PDE4D: variants seen among roughly 807,000 people sequenced by gnomAD.
The protein encoded by PDE4D is 3',5'-cyclic-AMP phosphodiesterase 4D.
In PDE4D, 24 loss-of-function variants were observed where a neutral mutation model predicts 87.4. The ratio of observed to expected loss-of-function variants is 0.27; its 90% CI spans 0.20 to 0.39. The LOEUF (loss-of-function observed/expected upper bound fraction) is 0.39. PDE4D is among the 10% of genes least tolerant of loss of function. PDE4D has a pLI of 1.00. For missense variants in PDE4D, 714 were observed against 1,041.0 expected (o/e 0.69, Z 4.32); for synonymous variants, 384 against 383.2 (o/e 1.00, Z -0.02).
At chr5:60,275,131 T>G (rs920058682) in intron 1 of PDE4D, among the ~76,000 whole-genome samples, 1 of 152,180 alleles carries the variant, frequency 6.6e-6, no homozygotes, top group African/African-American at 2.4e-5. Context: ...ATACTGTATT[T>G]TGAGAATTTC....
chr5:60,006,178 A>G (rs1315826054), intron 2 of PDE4D, among the ~76,000 whole-genome samples: 4 of 151,910 alleles, frequency 2.6e-5, no homozygotes, highest in Non-Finnish European at 4.4e-5. Flanking sequence ...TGAAACAAGA[A>G]CTAGTTGTAT....
At chr5:59,342,455 T>C (rs1386706310) in intron 1 of PDE4D, among the ~76,000 whole-genome samples, 1 of 152,156 alleles carries the variant, frequency 6.6e-6, no homozygotes, top group East Asian at 1.9e-4. Context: ...CTTTGAACCA[T>C]AAATTACCAT....
chr5:59,940,845 GACATGAC>G (rs1193593716), intron 3 of PDE4D, among the ~76,000 whole-genome samples: 1 of 152,060 alleles, frequency 6.6e-6, no homozygotes, highest in African/African-American at 2.4e-5. Flanking sequence ...ACATTTAGAG[GACATGAC>G]ACATTGCACA....
chr5:59,387,769 C>T (rs943507597), intron 1 of PDE4D, among the ~76,000 whole-genome samples: 1 of 152,044 alleles, frequency 6.6e-6, no homozygotes. Context: ...ATATACATTA[C>T]CTCACAAACT....
chr5:60,481,470 G>T (rs996813236), intron 1 of PDE4D, among the ~76,000 whole-genome samples: 1 of 152,068 alleles, frequency 6.6e-6, no homozygotes, highest in Non-Finnish European at 1.5e-5. Flanking sequence ...GCTTATGTTA[G>T]ATGCACCATT....
rs1491261978 is a variant in PDE4D at position 59,488,674 on chromosome 5, TTC to T, written c.456-272708_456-272707del. On this transcript the variant is annotated intron_variant, in intron 1 of 14. Transcript: ENST00000340635. ...AAAAATATAACCACTAGAGATAATC[TTC>T]TTTTTTTTTTTTTGAGGGGGGGATC... 5.9e-3 allele frequency among the ~76,000 whole-genome samples: 668 copies of T among 113,708 alleles called. 3 individuals are homozygous for T. The highest frequency in any genetic ancestry group is 0.025 in the African/African-American group (614 of 24,478). 74.6% of individuals were successfully genotyped at this position (113,708 alleles called of 152,430 possible). A position where few individuals can be genotyped will look rare whatever the true frequency, so the allele number is the denominator to read the frequency against.
chr5:60,201,754 G>T (rs1276843971), intron 1 of PDE4D, among the ~76,000 whole-genome samples: 2 of 152,050 alleles, frequency 1.3e-5, no homozygotes, highest in Non-Finnish European at 2.9e-5. Context: ...ATTTCTGAAA[G>T]ACAATATTAA....
intron 1 of PDE4D, among the ~76,000 whole-genome samples, chr5:59,715,919 G>T (rs1754951468): frequency 6.6e-6 from 1 of 152,188 alleles, no homozygotes; most frequent in Admixed American, 6.5e-5. Context: ...CTGTGGGCAT[G>T]TTTCTCCATT....
intron 3 of PDE4D, among the ~76,000 whole-genome samples, chr5:59,901,141 G>C (rs1355739666): frequency 4.6e-5 from 7 of 152,126 alleles, no homozygotes; most frequent in Non-Finnish European, 1.0e-4. Flanking sequence ...ACTTAACTAA[G>C]GTCAGATACT....
At chr5:59,039,541 G>A in intron 5 of PDE4D, 3 of 985,186 alleles carry the variant, frequency 3.0e-6, no homozygotes, top group Non-Finnish European at 3.6e-6. Flanking sequence ...CAACTCCTCG[G>A]GCGGCAGGCG....
chr5:59,103,314 T>C (rs771151771), intron 5 of PDE4D, among the ~76,000 whole-genome samples: 6 of 152,120 alleles, frequency 3.9e-5, no homozygotes, highest in Non-Finnish European at 8.8e-5. Context: ...CTCATTTAAA[T>C]GGAGTATTTA....
At chr5:59,205,260 C>T (rs1486691306) in intron 2 of PDE4D, among the ~76,000 whole-genome samples, 2 of 151,976 alleles carry the variant, frequency 1.3e-5, no homozygotes, top group Non-Finnish European at 1.5e-5. Flanking sequence ...AGATTATGCT[C>T]TTTCTTTTTC....
At chr5:59,065,486 T>C (rs764169364) in intron 5 of PDE4D, among the ~76,000 whole-genome samples, 1 of 152,116 alleles carries the variant, frequency 6.6e-6, no homozygotes, top group Non-Finnish European at 1.5e-5. Flanking sequence ...TTAAGTGTCC[T>C]TACCATGAAA....
At chr5:59,672,102 G>A (rs78804391) in intron 1 of PDE4D, among the ~76,000 whole-genome samples, 3,719 of 152,182 alleles carry the variant, frequency 0.024, 124 homozygotes, top group African/African-American at 0.074. Context: ...CGGCAGGGCT[G>A]GAGCTAAAGT....
At chr5:59,892,386 C>A (rs907532991) in intron 1 of PDE4D, among the ~76,000 whole-genome samples, 1 of 152,160 alleles carries the variant, frequency 6.6e-6, no homozygotes, top group African/African-American at 2.4e-5. Context: ...TAAAACAAGG[C>A]GCTTTCTTCC....
intron 2 of PDE4D, among the ~76,000 whole-genome samples, chr5:60,156,086 T>A (rs1165337110): frequency 6.6e-6 from 1 of 151,888 alleles, no homozygotes; most frequent in African/African-American, 2.4e-5. Context: ...GTCCTCAGAG[T>A]TACTAGGGTA....
At chr5:60,140,211 A>C (rs2149417254) in intron 2 of PDE4D, among the ~76,000 whole-genome samples, 1 of 152,218 alleles carries the variant, frequency 6.6e-6, no homozygotes, top group Non-Finnish European at 1.5e-5. Context: ...TCCATGAACT[A>C]TCGTATATGT....
At position 59,333,062 on chromosome 5, in the gene PDE4D, T is replaced by C. The variant is rs576170214; in HGVS notation, c.456-117094A>G. 1.1e-4 allele frequency among the ~76,000 whole-genome samples: 17 copies of C among 152,336 alleles called. No individual in the cohort carries two copies. In the South Asian group the frequency reaches 2.5e-3, roughly 22 times the overall value. ...TTTCTGTTATTTACAATTGAAAGCA[T>C]TGAAAACTGATATACCAAGCATATC... is the stretch of plus-strand genomic sequence containing the variant. On this transcript the variant is annotated intron_variant, in intron 1 of 14. Coordinates refer to ENST00000340635, the MANE Select transcript of PDE4D (RefSeq NM_001104631.2).
At chr5:60,040,720 T>C (rs1204996626) in intron 2 of PDE4D, among the ~76,000 whole-genome samples, 1 of 152,208 alleles carries the variant, frequency 6.6e-6, no homozygotes, top group African/African-American at 2.4e-5. Context: ...TATAATATAA[T>C]GAACTATTTT....
Sources: allele counts gnomAD v4.1 joint callset (sites outside exome capture counted in the v4.1 genomes callset), GRCh38; gene constraint gnomAD v4.1.1; transcripts MANE v1.5; gene names NCBI Gene and HGNC (gene_info 2026-07-23, HGNC 2026-07-21).